The following SCOC variants were observed in gnomAD, a reference collection of about 807,000 sequenced individuals.
The protein encoded by SCOC is short coiled-coil protein, also known as short coiled coil protein.
A neutral mutation model predicts 9.9 loss-of-function variants in SCOC; 7 were observed. That is an observed-to-expected ratio of 0.71 (90% CI 0.40 to 1.33). The LOEUF (loss-of-function observed/expected upper bound fraction) is 1.33. SCOC is among the 40% of genes most tolerant of loss of function. SCOC has a pLI of 0.01. For missense variants in SCOC, 66 were observed against 89.7 expected (o/e 0.74, Z 1.07); for synonymous variants, 19 against 28.2 (o/e 0.67, Z 1.03).
intron 1 of SCOC, among the ~76,000 whole-genome samples, chr4:140,296,189 A>G (rs1731631785): frequency 1.3e-5 from 2 of 152,142 alleles, no homozygotes; most frequent in Admixed American, 1.3e-4. Context: ...TGACAGGCGC[A>G]TCACAGAGGG....
intron 1 of SCOC, among the ~76,000 whole-genome samples, chr4:140,329,206 A>T (rs1732737944): frequency 6.6e-6 from 1 of 152,146 alleles, no homozygotes; most frequent in Non-Finnish European, 1.5e-5. Flanking sequence ...GGAAAAGGAC[A>T]CCCTATTCAA....
chr4:140,336,546 C>T (rs774704380), intron 1 of SCOC, among the ~76,000 whole-genome samples: 12 of 152,136 alleles, frequency 7.9e-5, no homozygotes, highest in Non-Finnish European at 7.4e-5. Context: ...AGTTTTAGCA[C>T]GTATCAGTAC....
upstream of SCOC, among the ~76,000 whole-genome samples, chr4:140,343,060 A>C (rs1416926361): frequency 6.6e-6 from 1 of 152,100 alleles, no homozygotes; most frequent in African/African-American, 2.4e-5. Flanking sequence ...TATGGCATAT[A>C]TGTATGGCAT....
intron 1 of SCOC, chr4:140,374,218 C>T (rs1340228150): frequency 1.1e-5 from 5 of 454,724 alleles, no homozygotes; most frequent in Admixed American, 2.4e-5. Context: ...GAAAGCGGCA[C>T]CTGGGTTTGT....
chr4:140,379,792 C>G (rs77040240), intron 3 of SCOC, 140 bp downstream of exon 3: 23 of 609,340 alleles, frequency 3.8e-5, no homozygotes, highest in Non-Finnish European at 1.5e-5. Context: ...ATATATCTAT[C>G]TTCCTGCTTT....
chr4:140,335,583 C>T (rs540610943), intron 1 of SCOC, among the ~76,000 whole-genome samples: 8 of 152,164 alleles, frequency 5.3e-5, no homozygotes, highest in Non-Finnish European at 1.2e-4. Context: ...CAAAGAGGAA[C>T]GCTTGCACCT....
At chr4:140,342,962 A>G (rs1329654669), upstream of SCOC, among the ~76,000 whole-genome samples, 2 of 151,974 alleles carry the variant, frequency 1.3e-5, no homozygotes, top group African/African-American at 2.4e-5. Context: ...AGCTCAATAT[A>G]TAATCTTATT....
At chr4:140,260,712 C>T (rs571532801) in intron 1 of SCOC, among the ~76,000 whole-genome samples, 1 of 152,300 alleles carries the variant, frequency 6.6e-6, no homozygotes, top group South Asian at 2.1e-4. Context: ...GAATAACATT[C>T]ACTCATTCTG....
chr4:140,275,335 C>A (rs1299110404), intron 1 of SCOC, among the ~76,000 whole-genome samples: 1 of 152,200 alleles, frequency 6.6e-6, no homozygotes, highest in Non-Finnish European at 1.5e-5. Flanking sequence ...ATTGTCTTTG[C>A]ACATAGCTGC....
At chr4:140,273,536 T>C (rs1268165929) in intron 1 of SCOC, among the ~76,000 whole-genome samples, 1 of 152,084 alleles carries the variant, frequency 6.6e-6, no homozygotes, top group Non-Finnish European at 1.5e-5. Flanking sequence ...GGAAAGCAGC[T>C]GGTCTCTGAA....
At chr4:140,341,088 G>A (rs1165781053), upstream of SCOC, among the ~76,000 whole-genome samples, 2 of 151,900 alleles carry the variant, frequency 1.3e-5, no homozygotes, top group East Asian at 1.9e-4. Context: ...GAGCCCAGCC[G>A]AGTTTTCTTT....
At chr4:140,362,451 T>A (rs531478566) in intron 2 of SCOC, among the ~76,000 whole-genome samples, 3 of 149,296 alleles carry the variant, frequency 2.0e-5, no homozygotes, top group African/African-American at 7.4e-5. Context: ...CAAGCCACCA[T>A]GCCCGGCTAA....
chr4:140,380,171 C>CTATTAGCT (rs971664276), intron 3 of SCOC, among the ~76,000 whole-genome samples: 5 of 149,876 alleles, frequency 3.3e-5, no homozygotes, highest in Non-Finnish European at 7.4e-5. Flanking sequence ...TGTGACTTCC[C>CTATTAGCT]TATTAGCTTT....
In SCOC at chr4:140,275,817, TTTG is replaced by T. The variant is rs200518980; in HGVS notation, c.-19+18410_-19+18412del. On this transcript the variant is annotated intron_variant, in intron 1 of 4. Transcript: ENST00000394205. ...TCAGTTTCCCCTGAACTCGCTCAGG[TTTG>T]TTTTTTTTTTTTTTTTTTTTTGAGA... 4.2e-4 allele frequency among the ~76,000 whole-genome samples: 56 copies of T among 132,820 alleles called. 3 individuals are homozygous for T. Among genetic ancestry groups the T allele is most frequent in the African/African-American group, 1.9e-3 (48 of 25,784 alleles). The allele number at this position is 132,820 out of a possible 152,430, so 87.1% of individuals were successfully genotyped here.
intron 1 of SCOC, among the ~76,000 whole-genome samples, chr4:140,270,536 A>G (rs1578757249): frequency 6.6e-6 from 1 of 151,960 alleles, no homozygotes; most frequent in South Asian, 2.1e-4. Context: ...TGGTCTCACT[A>G]TGTTGTCCAG....
chr4:140,343,542 T>C, intron 1 of SCOC: 1 of 879,788 alleles, frequency 1.1e-6, no homozygotes. Context: ...GCTTGGAAGT[T>C]CACTGATTAA....
At chr4:140,263,332 C>A (rs573998692) in intron 1 of SCOC, among the ~76,000 whole-genome samples, 9 of 152,318 alleles carry the variant, frequency 5.9e-5, no homozygotes, top group Admixed American at 5.9e-4. Flanking sequence ...GAGACTCCAA[C>A]CAACTTGCAC....
intron 2 of SCOC, among the ~76,000 whole-genome samples, chr4:140,352,086 A>G (rs1448246594): frequency 6.6e-6 from 1 of 152,214 alleles, no homozygotes; most frequent in Admixed American, 6.5e-5. Flanking sequence ...GGAAGTGGCG[A>G]GCGCTGGCTG....
intron 1 of SCOC, among the ~76,000 whole-genome samples, chr4:140,278,452 A>G (rs886427335): frequency 2.0e-5 from 3 of 152,084 alleles, no homozygotes; most frequent in African/African-American, 7.2e-5. Context: ...GGTGTCTGCC[A>G]CCACGCCTGG....
Sources: gnomAD v4.1 joint callset for allele counts (sites outside exome capture counted in the v4.1 genomes callset) on GRCh38, gnomAD v4.1.1 for gene constraint, MANE v1.5 for transcripts, NCBI Gene and HGNC (gene_info 2026-07-23, HGNC 2026-07-21) for gene names.